NCF2: variants seen among roughly 807,000 people sequenced by gnomAD.
The protein encoded by NCF2 is neutrophil cytosol factor 2.
NCF2 carries 45 observed loss-of-function variants against 70.9 expected under a neutral mutation model. The observed-to-expected ratio is 0.63, with a 90% CI of 0.50 to 0.81. NCF2 has a LOEUF of 0.81. Among genes scored for constraint, NCF2 ranks in the 40% least tolerant of loss-of-function variants. The pLI, the probability that NCF2 is intolerant of heterozygous loss-of-function variation, is 0.00. For missense variants in NCF2, 522 were observed against 631.6 expected, an observed-to-expected ratio of 0.83 and a Z score of 1.86; for synonymous variants, 203 against 233.6, an observed-to-expected ratio of 0.87 and a Z score of 1.19.
At chr1:183,593,182 T>A (rs1393520464), upstream of NCF2, among the ~76,000 whole-genome samples, 1 of 151,388 alleles carries the variant, frequency 6.6e-6, no homozygotes. Context: ...GGCTAACCCA[T>A]GTTTGTATCC....
In NCF2 at chr1:183,587,050, A is replaced by G. The variant is rs1673387783; in HGVS notation, c.175-73T>C. 3 of 1,398,872 alleles carry G rather than the reference A, an allele frequency of 2.1e-6. No individual in the cohort carries two copies. The African/African-American group carries it at 4.2e-5, about 20-fold the overall frequency. 86.7% of individuals were successfully genotyped at this position (1,398,872 alleles called of 1,614,324 possible). On this transcript the variant is annotated intron_variant, in intron 1 of 14. Transcript: ENST00000367535. ...AGGTGTGAGATGAGCCACGGCTCAC[A>G]GAGCCCTAGCTCCCTGTGGTGCCCA...
chr1:183,563,308 T>A lies in NCF2; in HGVS notation c.1179-2A>T. The stretch of plus-strand genomic sequence containing the variant: ...TCATTGCTGTCCCGAGGCCGATAGC[T>A]GGGTGGGGATAATGAGTAAGAATCC... On this transcript the variant is annotated splice_acceptor_variant, in intron 12 of 14. Transcript: ENST00000367535. LOFTEE classifies it high-confidence loss of function. 6.2e-7 allele frequency: 1 copy of A among 1,614,076 alleles called. No homozygotes were observed. The highest frequency in any genetic ancestry group is 1.1e-5 in the South Asian group (1 of 91,088).
intron 1 of NCF2, among the ~76,000 whole-genome samples, chr1:183,588,593 A>G (rs1241547203): frequency 6.6e-6 from 1 of 151,982 alleles, no homozygotes; most frequent in Non-Finnish European, 1.5e-5. Flanking sequence ...AAATAATAAA[A>G]TTTATTGCAA....
chr1:183,558,871 A>G (rs1031485495), intron 14 of NCF2, among the ~76,000 whole-genome samples: 24 of 152,012 alleles, frequency 1.6e-4, no homozygotes, highest in Admixed American at 1.4e-3. Flanking sequence ...GCCTACCCTC[A>G]TTAACTTTAA....
At chr1:183,575,259 C>T (rs1301172896) in intron 3 of NCF2, among the ~76,000 whole-genome samples, 1 of 152,222 alleles carries the variant, frequency 6.6e-6, no homozygotes, top group Non-Finnish European at 1.5e-5. Flanking sequence ...CACTTGAGGT[C>T]AGGAGTTTGA....
chr1:183,558,127 G>A (rs1671875260), intron 14 of NCF2, among the ~76,000 whole-genome samples: 1 of 151,728 alleles, frequency 6.6e-6, no homozygotes. Context: ...ACTCACCTTG[G>A]CCTCCCAAAG....
chr1:183,586,822 C>G lies in NCF2; in HGVS notation c.257+73G>C, dbSNP rs1282074395. On this transcript the variant is annotated intron_variant, in intron 2 of 14. Coordinates refer to ENST00000367535, the MANE Select transcript of NCF2 (RefSeq NM_000433.4). ...GGTTGGGAAGGTACTGCTCAAACAC[C>G]AAGCCCGCAACACTGAGACCCCTTG... is the stretch of plus-strand genomic sequence containing the variant. 2.8e-6 allele frequency: 4 copies of G among 1,413,758 alleles called. No individual in the cohort carries two copies. In the African/African-American group the frequency reaches 5.7e-5, roughly 20 times the overall value. The allele number at this position is 1,413,758 out of a possible 1,614,324, so 87.6% of individuals were successfully genotyped here. A position where few individuals can be genotyped will look rare whatever the true frequency, so the allele number is the denominator to read the frequency against.
the NCF2 span, among the ~76,000 whole-genome samples, chr1:183,599,470 CTTTCTTTCTTTCTCT>C: frequency 2.9e-5 from 4 of 137,150 alleles, no homozygotes; most frequent in Admixed American, 1.5e-4. Flanking sequence ...TTCTTTCTTT[CTTTCTTTCTTTCTCT>C]TTTCTTTCTT....
chr1:183,556,104 GT>G lies in NCF2; in HGVS notation c.*13del, dbSNP rs1314190959. 2 of 1,603,726 alleles carry G rather than the reference GT, an allele frequency of 1.2e-6. No individual in the cohort carries two copies. Among genetic ancestry groups the G allele is most frequent in the Non-Finnish European group, 1.7e-6 (2 of 1,170,684 alleles). Reference sequence around the variant, plus strand: ...GGGCTTCATTTTCTTCAGCTTTGTAGTTTGTGAAACATCCTAGACTTCTCTC... The same window carrying G: ...GGGCTTCATTTTCTTCAGCTTTGTAGTTGTGAAACATCCTAGACTTCTCTC... On this transcript the variant is annotated 3_prime_UTR_variant, in exon 15 of 15. Transcript: ENST00000367535.
At chr1:183,580,360 G>T (rs778421718) in intron 2 of NCF2, among the ~76,000 whole-genome samples, 18 of 152,130 alleles carry the variant, frequency 1.2e-4, no homozygotes, top group Non-Finnish European at 4.4e-5. Context: ...CAGAAATCAG[G>T]TTCCGCTTTC....
intron 4 of NCF2, 85 bp from the exon 5 acceptor site, chr1:183,573,377 G>A: frequency 2.5e-6 from 3 of 1,199,256 alleles, no homozygotes; most frequent in South Asian, 2.4e-5. Flanking sequence ...ATAGATGCAA[G>A]AATTCATTGA....
intron 13 of NCF2, 119 bp downstream of exon 13, chr1:183,563,076 C>T: frequency 2.2e-6 from 2 of 911,296 alleles, no homozygotes; most frequent in South Asian, 2.7e-5. Flanking sequence ...ACTTATTACA[C>T]ACCATATCCC....
upstream of NCF2, among the ~76,000 whole-genome samples, chr1:183,591,212 C>A (rs969008455): frequency 2.0e-5 from 3 of 152,218 alleles, no homozygotes; most frequent in African/African-American, 2.4e-5. Flanking sequence ...GAGGCCTGGG[C>A]AGGGTGTCAC....
upstream of NCF2, among the ~76,000 whole-genome samples, chr1:183,591,475 A>T (rs1218953701): frequency 6.6e-6 from 1 of 151,156 alleles, no homozygotes; most frequent in Non-Finnish European, 1.5e-5. Flanking sequence ...TCTGGGCCTG[A>T]AATAACTTTT....
At chr1:183,599,429 T>TCTTTCTTTCTTTC in the NCF2 span, among the ~76,000 whole-genome samples, 68 of 85,900 alleles carry the variant, frequency 7.9e-4, no homozygotes, top group African/African-American at 2.6e-3. Flanking sequence ...TTTCCTTCTT[T>TCTTTCTTTCTTTC]CTTTCTTTCT....
At chr1:183,592,443 A>G (rs570789434), upstream of NCF2, among the ~76,000 whole-genome samples, 1 of 152,340 alleles carries the variant, frequency 6.6e-6, no homozygotes, top group African/African-American at 2.4e-5. Flanking sequence ...AAAAACTTGC[A>G]TCATACTTAC....
intron 2 of NCF2, among the ~76,000 whole-genome samples, chr1:183,582,334 C>T (rs757916211): frequency 6.6e-6 from 1 of 152,230 alleles, no homozygotes; most frequent in African/African-American, 2.4e-5. Flanking sequence ...GCTTTCTTCA[C>T]ACCCACACTT....
At chr1:183,562,224 G>C (rs1672093025) in intron 13 of NCF2, among the ~76,000 whole-genome samples, 1 of 151,860 alleles carries the variant, frequency 6.6e-6, no homozygotes, top group Non-Finnish European at 1.5e-5. Flanking sequence ...TGCTGTCAAA[G>C]GAAAAAATTT....
chr1:183,569,163 G>A lies in NCF2; in HGVS notation c.692C>T (p.Pro231Leu), dbSNP rs144451516. 1.6e-4 allele frequency: 257 copies of A among 1,614,030 alleles called. No homozygotes were observed. Among genetic ancestry groups the A allele is most frequent in the Non-Finnish European group, 2.0e-4 (232 of 1,179,966 alleles). Reference protein sequence around the residue: ...QPQAAEPPPRPKTPEIFRALE... With the variant: ...QPQAAEPPPRLKTPEIFRALE... The stretch of plus-strand genomic sequence containing the variant: ...TTACCTGAAGATCTCTGGGGTTTTC[G>A]GTCTGGGTGGAGGCTCAGCTGCCTA... Residue 231 changes from proline (P) to leucine (L), a missense_variant, in exon 7 of 15, where the codon CCG (proline) becomes CTG (leucine). Physicochemically the swap from Pro to Leu is moderately conservative, Grantham distance 98. Coordinates refer to ENST00000367535, the MANE Select transcript of NCF2 (RefSeq NM_000433.4).
Sources: gnomAD v4.1 joint callset for allele counts (sites outside exome capture counted in the v4.1 genomes callset) on GRCh38, gnomAD v4.1.1 for gene constraint, MANE v1.5 for transcripts, NCBI Gene and HGNC (gene_info 2026-07-23, HGNC 2026-07-21) for gene names.